STK11: variants seen among roughly 807,000 people sequenced by gnomAD.
STK11 encodes the protein serine/threonine kinase 11.
Under a neutral mutation model 47.3 loss-of-function variants are expected in STK11, and 8 were observed. That is an observed-to-expected ratio of 0.17 (90% CI 0.10 to 0.31). STK11 has a LOEUF of 0.31. Among genes scored for constraint, STK11 ranks in the 10% least tolerant of loss-of-function variants. The pLI, the probability that STK11 is intolerant of heterozygous loss-of-function variation, is 1.00. For missense variants in STK11, 475 were observed against 605.0 expected (o/e 0.79, Z 2.25); for synonymous variants, 330 against 255.8 (o/e 1.29, Z -2.77).
intron 1 of STK11, among the ~76,000 whole-genome samples, chr19:1,211,027 G>A (rs1332200730): frequency 6.6e-6 from 1 of 152,210 alleles, no homozygotes; most frequent in East Asian, 1.9e-4. Flanking sequence ...CAGGTGTGGT[G>A]GCACATGCCA....
chr19:1,224,239 G>A, intron 8 of STK11: 4 of 985,400 alleles, frequency 4.1e-6, no homozygotes, highest in South Asian at 4.7e-5. Context: ...CAGCATGTGG[G>A]GGCCCCCCAG....
rs1440904850 is a variant in STK11, at chr19:1,221,453, T to C, written c.862+113T>C. 3 of 1,429,784 alleles carry C rather than the reference T, an allele frequency of 2.1e-6. No homozygotes were observed. The African/African-American group carries it at 4.3e-5, about 20-fold the overall frequency. The allele number at this position is 1,429,784 out of a possible 1,614,324, so 88.6% of individuals were successfully genotyped here. A position where few individuals can be genotyped will look rare whatever the true frequency, so the allele number is the denominator to read the frequency against. On this transcript the variant is annotated intron_variant, in intron 6 of 9. Coordinates refer to ENST00000326873, the MANE Select transcript of STK11 (RefSeq NM_000455.5). The stretch of plus-strand genomic sequence containing the variant: ...ATTGGCCCCGAGACCCCAGCAGGCA[T>C]TGAGAGGACTGAGTGGAGAGGCCGA...
intron 3 of STK11, among the ~76,000 whole-genome samples, chr19:1,219,683 T>G (rs942057759): frequency 6.6e-6 from 1 of 152,066 alleles, no homozygotes; most frequent in Non-Finnish European, 1.5e-5. Flanking sequence ...GTAGCTGGGA[T>G]TACAGGCGCC....
intron 8 of STK11, 88 bp from the exon 9 acceptor site, chr19:1,226,366 T>G: frequency 6.5e-7 from 1 of 1,541,210 alleles, no homozygotes; most frequent in Non-Finnish European, 8.8e-7. Flanking sequence ...CAGCTGTAAG[T>G]GCGTCCCCGT....
chr19:1,225,126 G>A, intron 8 of STK11: 2 of 985,508 alleles, frequency 2.0e-6, no homozygotes, highest in East Asian at 1.1e-4. Flanking sequence ...AGACAGGAGT[G>A]TGGGGTGGGG....
intron 1 of STK11, 35 bp from the exon 2 acceptor site, chr19:1,218,382 G>C (rs767694406): frequency 6.3e-7 from 1 of 1,578,684 alleles, no homozygotes; most frequent in South Asian, 1.1e-5. Context: ...CCTGACGTTG[G>C]GTCGGCTGAT....
rs904497443 is a variant in STK11, at chr19:1,206,441, G to C, written c.-473G>C. The C allele has an allele frequency of 8.0e-5, 19 of 238,228 alleles. No individual in the cohort carries two copies. The highest frequency in any genetic ancestry group is 1.3e-4 in the Non-Finnish European group (16 of 121,418). The allele number at this position is 238,228 out of a possible 1,614,324, so 14.8% of individuals were successfully genotyped here. ...GGGCTCTCCAGGTGTGGGGGTCCCG[G>C]GGGGTAGCGACGTCGCGGACCCGGC... On this transcript the variant is annotated 5_prime_UTR_variant, in exon 1 of 10. Coordinates refer to ENST00000326873, the MANE Select transcript of STK11 (RefSeq NM_000455.5).
chr19:1,220,128 A>C (rs1162612319), intron 3 of STK11: 2 of 478,998 alleles, frequency 4.2e-6, no homozygotes, highest in Non-Finnish European at 7.4e-6. Context: ...TGTGGCCCAC[A>C]GGAAAATGAG....
chr19:1,227,516 C>T (rs1216619184), intron 9 of STK11, 77 bp from the exon 10 acceptor site: 2 of 1,060,114 alleles, frequency 1.9e-6, no homozygotes, highest in African/African-American at 1.6e-5. Flanking sequence ...CTCAGCTTCT[C>T]CATCCTCCCA....
At chr19:1,207,387 C>G (rs1361582357) in intron 1 of STK11, among the ~76,000 whole-genome samples, 184 bp downstream of exon 1, 2 of 152,220 alleles carry the variant, frequency 1.3e-5, no homozygotes, top group African/African-American at 2.4e-5. Flanking sequence ...TACGGACTTT[C>G]ACTCAGGCAA....
At position 1,218,552 on chromosome 19, in the gene STK11, C is replaced by T. The variant is rs2145421020; in HGVS notation, c.374+52C>T. The T allele has an allele frequency of 3.2e-5, 47 of 1,480,876 alleles. No homozygotes were observed. The South Asian group carries it at 5.3e-4, about 17-fold the overall frequency. 91.7% of individuals were successfully genotyped at this position (1,480,876 alleles called of 1,614,324 possible). A position where few individuals can be genotyped will look rare whatever the true frequency, so the allele number is the denominator to read the frequency against. On this transcript the variant is annotated intron_variant, in intron 2 of 9. Transcript: ENST00000326873. ...GGGCCTCCGTGGGAGGGGCTGGGGCCCTGGGTCCGCCTGCCTCGAGGCCTG... is the reference window on the plus strand; with the variant it reads ...GGGCCTCCGTGGGAGGGGCTGGGGCTCTGGGTCCGCCTGCCTCGAGGCCTG...
At chr19:1,226,719 G>T in intron 9 of STK11, 56 bp downstream of exon 9, 1 of 1,439,140 alleles carries the variant, frequency 6.9e-7, no homozygotes, top group Non-Finnish European at 9.1e-7. Flanking sequence ...GGATGCCACA[G>T]CCAGCCGTGA....
rs2080843828 is a variant in STK11 at position 1,228,312 on chromosome 19, A to G, written c.*736A>G. ...TGTGCGGTCAATATTTATATCATCC[A>G]GAAAAGAAAAACACGAGAAACGCCA... On this transcript the variant is annotated 3_prime_UTR_variant, in exon 10 of 10. Coordinates refer to ENST00000326873, the MANE Select transcript of STK11 (RefSeq NM_000455.5). 3.8e-6 allele frequency: 1 copy of G among 264,382 alleles called. No individual in the cohort carries two copies. The highest frequency in any genetic ancestry group is 6.8e-6 in the Non-Finnish European group (1 of 146,938). The allele number at this position is 264,382 out of a possible 1,614,324, so 16.4% of individuals were successfully genotyped here.
At position 1,205,852 on chromosome 19, in the gene STK11, G is replaced by C. The variant is rs1248191080; in HGVS notation, c.-1062G>C. ...CCCGGGGCGCCCGCGAGTGAGGCGC[G>C]GGGCGGCGAAGGGAGCGCGGGTGGC... On this transcript the variant is annotated 5_prime_UTR_variant, in exon 1 of 10. Transcript: ENST00000326873. 1 of 204,958 alleles carries C rather than the reference G, an allele frequency of 4.9e-6. No individual in the cohort carries two copies. The highest frequency in any genetic ancestry group is 2.3e-5 in the African/African-American group (1 of 43,644). The allele number at this position is 204,958 out of a possible 1,614,324, so 12.7% of individuals were successfully genotyped here. A position where few individuals can be genotyped will look rare whatever the true frequency, so the allele number is the denominator to read the frequency against.
intron 8 of STK11, chr19:1,225,629 C>T (rs1295695824): frequency 1.0e-6 from 1 of 985,428 alleles, no homozygotes; most frequent in African/African-American, 1.7e-5. Flanking sequence ...GTGGCAAGTT[C>T]TGGAAGCTGC....
intron 5 of STK11, 120 bp from the exon 6 acceptor site, chr19:1,221,093 T>C: frequency 1.4e-6 from 2 of 1,419,718 alleles, no homozygotes; most frequent in Non-Finnish European, 1.9e-6. Context: ...TGTCCTTGAG[T>C]CCACAGGGCC....
chr19:1,221,807 G>A, intron 6 of STK11, 142 bp from the exon 7 acceptor site: 1 of 913,488 alleles, frequency 1.1e-6, no homozygotes, highest in Non-Finnish European at 1.7e-6. Context: ...CTCTGTCAGG[G>A]AGACCGCCTG....
intron 8 of STK11, chr19:1,225,688 CAT>C: frequency 1.0e-6 from 1 of 985,632 alleles, no homozygotes; most frequent in South Asian, 4.7e-5. Flanking sequence ...GCACTGGGCA[CAT>C]GAGCTCTGGG....
chr19:1,223,571 G>A (rs2080800857), intron 8 of STK11: 1 of 1,084,694 alleles, frequency 9.2e-7, no homozygotes, highest in Non-Finnish European at 1.1e-6. Context: ...AGGGTCCAGT[G>A]GCCCTCCCTC....
Sources: allele counts gnomAD v4.1 joint callset (sites outside exome capture counted in the v4.1 genomes callset), GRCh38; gene constraint gnomAD v4.1.1; transcripts MANE v1.5; gene names NCBI Gene and HGNC (gene_info 2026-07-23, HGNC 2026-07-21).